Variants in ARMH3 observed in about 807,000 individuals in gnomAD.
The protein encoded by ARMH3 is armadillo like helical domain containing 3.
In ARMH3, 60 loss-of-function variants were observed where a neutral mutation model predicts 99.1. That is an observed-to-expected ratio of 0.61 (90% CI 0.49 to 0.75). The LOEUF (loss-of-function observed/expected upper bound fraction) is 0.75, where lower values mean the gene tolerates loss of function less well. Among genes scored for constraint, ARMH3 ranks in the 30% least tolerant of loss-of-function variants. The pLI, the probability that ARMH3 is intolerant of heterozygous loss-of-function variation, is 0.00. For missense variants in ARMH3, 679 were observed against 843.1 expected (o/e 0.81, Z 2.41); for synonymous variants, 285 against 292.8 (o/e 0.97, Z 0.27).
chr10:101,862,256 T>C (rs2135319229), intron 24 of ARMH3, among the ~76,000 whole-genome samples: 1 of 152,206 alleles, frequency 6.6e-6, no homozygotes, highest in East Asian at 1.9e-4. Context: ...GGTTTTCACA[T>C]GTAACGTGAA....
chr10:101,958,833 G>C (rs1845158689), intron 20 of ARMH3, among the ~76,000 whole-genome samples: 1 of 152,172 alleles, frequency 6.6e-6, no homozygotes, highest in Admixed American at 6.5e-5. Context: ...ATGAGTAGGA[G>C]TGAGACTCTC....
rs1380325686 is a variant in ARMH3, at chr10:101,905,310, G to A, written c.1782-15820C>T. On this transcript the variant is annotated intron_variant, in intron 23 of 25. Transcript: ENST00000370033. Reference sequence around the variant, plus strand: ...TCCACCCATTCACTCAACACTTATCGTAACATATTGGATTGTGCTGGGGCA... The same window carrying A: ...TCCACCCATTCACTCAACACTTATCATAACATATTGGATTGTGCTGGGGCA... 3.3e-5 allele frequency among the ~76,000 whole-genome samples: 5 copies of A among 152,132 alleles called. No homozygotes were observed. In the East Asian group the frequency reaches 5.8e-4, roughly 18 times the overall value.
intron 1 of ARMH3, among the ~76,000 whole-genome samples, chr10:102,040,681 G>A (rs1412067882): frequency 6.6e-6 from 1 of 152,110 alleles, no homozygotes; most frequent in Non-Finnish European, 1.5e-5. Context: ...AAGGCTTAAA[G>A]CAGATCCAAA....
intron 23 of ARMH3, among the ~76,000 whole-genome samples, chr10:101,902,034 G>A (rs1367126280): frequency 6.6e-6 from 1 of 152,194 alleles, no homozygotes; most frequent in East Asian, 1.9e-4. Flanking sequence ...GGTCAGATTT[G>A]TTGAGACCTA....
intron 24 of ARMH3, among the ~76,000 whole-genome samples, chr10:101,862,583 T>C (rs2066899023): frequency 6.6e-6 from 1 of 151,714 alleles, no homozygotes; most frequent in Non-Finnish European, 1.5e-5. Flanking sequence ...TCTAAAAAAA[T>C]AAATAACATG....
intron 20 of ARMH3, among the ~76,000 whole-genome samples, chr10:101,967,719 A>G (rs1845599609): frequency 6.6e-6 from 1 of 152,200 alleles, no homozygotes; most frequent in Admixed American, 6.5e-5. Context: ...CCTGGGCTAC[A>G]GAGCAAGACT....
chr10:101,874,866 G>C (rs78735643), intron 24 of ARMH3, among the ~76,000 whole-genome samples: 12 of 152,092 alleles, frequency 7.9e-5, no homozygotes, highest in Non-Finnish European at 1.0e-4. Flanking sequence ...GCTTACAAAG[G>C]GTCAGGTGGG....
At chr10:101,943,030 G>A (rs1050023041) in intron 22 of ARMH3, among the ~76,000 whole-genome samples, 2 of 152,180 alleles carry the variant, frequency 1.3e-5, no homozygotes, top group African/African-American at 4.8e-5. Context: ...GGAAAACAAA[G>A]AAGGTGAACC....
At chr10:102,030,794 T>C (rs1169100925) in intron 4 of ARMH3, among the ~76,000 whole-genome samples, 1 of 152,142 alleles carries the variant, frequency 6.6e-6, no homozygotes, top group African/African-American at 2.4e-5. Context: ...GTTTTTGTTT[T>C]TGTTTGAGAC....
chr10:101,987,043 AG>A (rs1846543271), intron 19 of ARMH3, among the ~76,000 whole-genome samples: 1 of 152,224 alleles, frequency 6.6e-6, no homozygotes, highest in African/African-American at 2.4e-5. Flanking sequence ...TGGGTAGACC[AG>A]GTTCATTGGC....
intron 15 of ARMH3, 109 bp downstream of exon 15, chr10:102,001,862 G>T: frequency 1.0e-6 from 1 of 956,746 alleles, no homozygotes; most frequent in Non-Finnish European, 1.6e-6. Context: ...TGTACACAAG[G>T]CCCCAATAGT....
chr10:102,007,656 T>TTAA (rs1231090430), intron 13 of ARMH3, among the ~76,000 whole-genome samples: 1 of 54,960 alleles, frequency 1.8e-5, no homozygotes, highest in Non-Finnish European at 3.4e-5. Context: ...CTGTCTCTAC[T>TTAA]AAAAAAAAAA....
chr10:102,033,190 A>G lies in ARMH3; in HGVS notation c.160-18T>C, dbSNP rs1414294469. 2 of 1,614,004 alleles carry G rather than the reference A, an allele frequency of 1.2e-6. No individual in the cohort carries two copies. The highest frequency in any genetic ancestry group is 2.2e-5 in the East Asian group (1 of 44,896). On this transcript the variant is annotated intron_variant, in intron 3 of 25. Transcript: ENST00000370033. Reference sequence around the variant, plus strand: ...AAATTCACCTGCCAAGGAAACAAATAAGGGGCAGAGTGCATTTTTAGCTTA... The same window carrying G: ...AAATTCACCTGCCAAGGAAACAAATGAGGGGCAGAGTGCATTTTTAGCTTA...
At chr10:101,912,083 A>C (rs1410779101) in intron 23 of ARMH3, among the ~76,000 whole-genome samples, 1 of 151,536 alleles carries the variant, frequency 6.6e-6, no homozygotes, top group Admixed American at 6.6e-5. Context: ...ATGTACACCC[A>C]TGAATGTCCA....
At chr10:101,982,021 CAAAAAAAAA>C (rs71016356) in intron 19 of ARMH3, among the ~76,000 whole-genome samples, 23 of 58,998 alleles carry the variant, frequency 3.9e-4, no homozygotes, top group African/African-American at 1.8e-3. Context: ...GACTCTATCT[CAAAAAAAAA>C]AAAAAAAAAA....
intron 23 of ARMH3, among the ~76,000 whole-genome samples, chr10:101,931,930 A>C (rs1843739931): frequency 6.6e-6 from 1 of 152,236 alleles, no homozygotes; most frequent in Non-Finnish European, 1.5e-5. Context: ...CAAAATTAAA[A>C]ACTTGTGCAT....
At chr10:101,889,515 A>C (rs773516845) in intron 23 of ARMH3, 25 bp from the exon 24 acceptor site, 1 of 1,575,542 alleles carries the variant, frequency 6.3e-7, no homozygotes, top group Non-Finnish European at 8.7e-7. Flanking sequence ...TCGTATTAAT[A>C]TGGTGCCAGA....
chr10:102,002,673 T>C (rs1016320080), intron 14 of ARMH3, among the ~76,000 whole-genome samples: 10 of 151,916 alleles, frequency 6.6e-5, no homozygotes, highest in African/African-American at 1.9e-4. Flanking sequence ...TGAAAACAGA[T>C]GAACAGGTCA....
chr10:102,012,161 G>C (rs1178517511), intron 10 of ARMH3, among the ~76,000 whole-genome samples: 1 of 152,202 alleles, frequency 6.6e-6, no homozygotes, highest in African/African-American at 2.4e-5. Flanking sequence ...AAGGAAATCA[G>C]TAAACTAAAC....
Sources: gnomAD v4.1 joint callset for allele counts (sites outside exome capture counted in the v4.1 genomes callset) on GRCh38, gnomAD v4.1.1 for gene constraint, MANE v1.5 for transcripts, NCBI Gene and HGNC (gene_info 2026-07-23, HGNC 2026-07-21) for gene names.